The following PDK4 variants were observed in gnomAD, a reference collection of about 807,000 sequenced individuals.
PDK4 encodes the protein pyruvate dehydrogenase kinase, isozyme 4.
PDK4 carries 43 observed loss-of-function variants against 51.7 expected under a neutral mutation model. That is an observed-to-expected ratio of 0.83 (90% CI 0.65 to 1.07). The LOEUF (loss-of-function observed/expected upper bound fraction) is 1.07. PDK4 is among the 50% of genes least tolerant of loss of function. PDK4 has a pLI of 0.00. For synonymous variants in PDK4, 170 were observed against 176.6 expected (o/e 0.96, Z 0.30); for missense variants, 498 against 503.5 (o/e 0.99, Z 0.10).
rs1562839475 is a variant in PDK4 at position 95,595,020 on chromosome 7, T to TA, written c.272+2dup. 3.1e-6 allele frequency: 5 copies of TA among 1,605,848 alleles called. No homozygotes were observed. Among genetic ancestry groups the TA allele is most frequent in the Admixed American group, 1.7e-5 (1 of 59,534 alleles). On this transcript the variant is annotated splice_region_variant and intron_variant, in intron 2 of 10. Transcript: ENST00000005178. Reference sequence around the variant, plus strand: ...AGAGACTTCAATATGGTTCACCACTTACCAGCTTTTAACCAATTGCACTGA... The same window carrying TA: ...AGAGACTTCAATATGGTTCACCACTTAACCAGCTTTTAACCAATTGCACTGA...
rs1363508870 is a variant in PDK4, at chr7:95,593,786, T to C, written c.273-16A>G. ...CTGTATATACCTGTAAAGAAACAGG[T>C]ATGCTTTAAGTTTTAAAATTAATAG... On this transcript the variant is annotated splice_polypyrimidine_tract_variant and intron_variant, in intron 2 of 10. Transcript: ENST00000005178. 3 of 1,299,562 alleles carry C rather than the reference T, an allele frequency of 2.3e-6. No individual in the cohort carries two copies. In the South Asian group the frequency reaches 3.9e-5, roughly 17 times the overall value. The allele number at this position is 1,299,562 out of a possible 1,614,324, so 80.5% of individuals were successfully genotyped here.
At chr7:95,590,450 G>T (rs1418893135) in intron 6 of PDK4, among the ~76,000 whole-genome samples, 1 of 149,680 alleles carries the variant, frequency 6.7e-6, no homozygotes, top group African/African-American at 2.6e-5. Flanking sequence ...AATAAAATTA[G>T]AAAGAAAAGA....
intron 3 of PDK4, 38 bp downstream of exon 3, chr7:95,593,661 C>A (rs1033877234): frequency 1.0e-6 from 1 of 986,624 alleles, no homozygotes; most frequent in Non-Finnish European, 1.6e-6. Flanking sequence ...TGGAAAGAAC[C>A]AAAGTTTTAA....
chr7:95,585,479 C>T lies in PDK4; in HGVS notation c.*162G>A. The T allele has an allele frequency of 1.9e-6, 1 of 535,494 alleles. No homozygotes were observed. Among genetic ancestry groups the T allele is most frequent in the Non-Finnish European group, 3.2e-6 (1 of 316,352 alleles). 33.2% of individuals were successfully genotyped at this position (535,494 alleles called of 1,614,324 possible). A position where few individuals can be genotyped will look rare whatever the true frequency, so the allele number is the denominator to read the frequency against. ...AGTCTTGCACTAAGTTCTCCTGGGT[C>T]ACAGAAACAAGCTCCATTCCTCATT... is the stretch of plus-strand genomic sequence containing the variant. On this transcript the variant is annotated 3_prime_UTR_variant, in exon 11 of 11. Transcript: ENST00000005178.
Position 95,596,156 on chromosome 7 carries a change from CCT to C in PDK4, c.130+6_130+7del. The C allele has an allele frequency of 6.2e-7, 1 of 1,600,294 alleles. No homozygotes were observed. Among genetic ancestry groups the C allele is most frequent in the East Asian group, 2.3e-5 (1 of 42,824 alleles). On this transcript the variant is annotated splice_donor_region_variant and intron_variant, in intron 1 of 10. Coordinates refer to ENST00000005178, the MANE Select transcript of PDK4 (RefSeq NM_002612.4). Reference sequence around the variant, plus strand: ...AGGACCCAGCTTGGGCCCTGTGTCCCCTCTCACCAAAGTCCAGTAGCTGCTTC... The same window carrying C: ...AGGACCCAGCTTGGGCCCTGTGTCCCCTCACCAAAGTCCAGTAGCTGCTTC...
chr7:95,596,192 C>CG lies in PDK4; in HGVS notation c.101dup (p.Leu35AlafsTer16), dbSNP rs1448630174. 6.2e-7 allele frequency: 1 copy of CG among 1,603,032 alleles called. No individual in the cohort carries two copies. Among genetic ancestry groups the CG allele is most frequent in the Non-Finnish European group, 8.5e-7 (1 of 1,175,174 alleles). On this transcript the variant is annotated frameshift_variant, in exon 1 of 11. Transcript: ENST00000005178. LOFTEE classifies it high-confidence loss of function. ...AGTCCAGTAGCTGCTTCATGGACAG[C>CG]GGGGACGGGCTGTAGCGCGAGAAAT...
Position 95,596,229 on chromosome 7 carries a change from C to T in PDK4, c.65G>A (p.Arg22Gln), listed in dbSNP as rs1791619111. 2 of 1,603,790 alleles carry T rather than the reference C, an allele frequency of 1.2e-6. No individual in the cohort carries two copies. The highest frequency in any genetic ancestry group is 1.4e-5 in the African/African-American group (1 of 74,046). ...GSLNGAGLVP[R>Q]EVEHFSRYSP... ...GTAGCGCGAGAAATGCTCCACCTCTCGGGGCACCAGGCCGGCGCCGTTGAG... is the reference window on the plus strand; with the variant it reads ...GTAGCGCGAGAAATGCTCCACCTCTTGGGGCACCAGGCCGGCGCCGTTGAG... The change falls in exon 1 of 11, where the codon CGA becomes CAA. Residue 22 changes from arginine (R) to glutamine (Q), a missense_variant. Arg to Gln is a conservative substitution (Grantham distance 43). Transcript: ENST00000005178.
At position 95,595,100 on chromosome 7, in the gene PDK4, G is replaced by A. The variant is rs55793839; in HGVS notation, c.195C>T (p.Leu65=). 4.2e-5 allele frequency: 67 copies of A among 1,611,864 alleles called. No individual in the cohort carries two copies. The highest frequency in any genetic ancestry group is 3.5e-4 in the Admixed American group (21 of 59,980). The change falls in exon 2 of 11, where the codon CTC becomes CTT. Residue 65 remains leucine, a synonymous_variant. Coordinates refer to ENST00000005178, the MANE Select transcript of PDK4 (RefSeq NM_002612.4). ...TATCAATTTCCTTCAGAATGTTGGC[G>A]AGTCTCACAGGCAATTCTTGTCGCA... ...AFLRQELPVR[L]ANILKEIDIL...
At position 95,593,726 on chromosome 7, in the gene PDK4, C is replaced by CTT; in HGVS notation, c.315_316dup (p.Ser106LysfsTer13). The CTT allele has an allele frequency of 6.4e-7, 1 of 1,562,772 alleles. No homozygotes were observed. Among genetic ancestry groups the CTT allele is most frequent in the Non-Finnish European group, 8.8e-7 (1 of 1,133,544 alleles). ...TGATAATGCTTTCTGGTCATCTGGG[C>CTT]TTTTCTCATGGAATTCCACCAAATC... On this transcript the variant is annotated frameshift_variant, in exon 3 of 11. Coordinates refer to ENST00000005178, the MANE Select transcript of PDK4 (RefSeq NM_002612.4). LOFTEE classifies it high-confidence loss of function.
chr7:95,596,097 C>A (rs766612974), intron 1 of PDK4, 67 bp downstream of exon 1: 17 of 1,492,310 alleles, frequency 1.1e-5, no homozygotes, highest in African/African-American at 1.5e-5. Context: ...CCTCCCTCTA[C>A]CAAGGCTGAA....
At chr7:95,591,940 G>T in intron 6 of PDK4, 48 bp downstream of exon 6, 1 of 951,102 alleles carries the variant, frequency 1.1e-6, no homozygotes, top group South Asian at 1.5e-5. Context: ...AATATTAGGA[G>T]AACACAGAAT....
chr7:95,596,133 G>A (rs756847269), intron 1 of PDK4, 31 bp downstream of exon 1: 2 of 1,587,276 alleles, frequency 1.3e-6, no homozygotes, highest in East Asian at 4.8e-5. Context: ...CCAACCCTAG[G>A]ACCCAGCTTG....
chr7:95,587,610 T>G (rs1562836715), intron 8 of PDK4, 82 bp from the exon 9 acceptor site: 1 of 1,187,816 alleles, frequency 8.4e-7, no homozygotes. Context: ...TTCCTTCATT[T>G]AAAAATCACC....
At chr7:95,588,124 T>C (rs1311921069) in intron 7 of PDK4, among the ~76,000 whole-genome samples, 1 of 152,184 alleles carries the variant, frequency 6.6e-6, no homozygotes, top group African/African-American at 2.4e-5. Flanking sequence ...AAATTGGTTT[T>C]TATAGTCCAT....
Position 95,590,327 on chromosome 7 carries a change from C to T in PDK4, c.695-611G>A, listed in dbSNP as rs184140095. 1.2e-3 allele frequency among the ~76,000 whole-genome samples: 189 copies of T among 151,780 alleles called. 2 individuals are homozygous for T. Among genetic ancestry groups the T allele is most frequent in the African/African-American group, 4.3e-3 (177 of 41,366 alleles). ...ACCTGATTTTTCTTGTTTTTTGTAT[C>T]ACCCAAACATTAAATCTTATATGTT... On this transcript the variant is annotated intron_variant, in intron 6 of 10. Coordinates refer to ENST00000005178, the MANE Select transcript of PDK4 (RefSeq NM_002612.4).
chr7:95,590,627 A>C lies in PDK4; in HGVS notation c.695-911T>G, dbSNP rs1396369066. ...TGCTCAGAGATACGTTCCATTCTTT[A>C]TTTGCTCTTCTACTTTTGGTATTTA... On this transcript the variant is annotated intron_variant, in intron 6 of 10. Coordinates refer to ENST00000005178, the MANE Select transcript of PDK4 (RefSeq NM_002612.4). Among the ~76,000 whole-genome samples the C allele has an allele frequency of 2.0e-5, 3 of 151,966 alleles. No homozygotes were observed. The East Asian group carries it at 5.8e-4, about 29-fold the overall frequency.
chr7:95,592,738 T>C (rs1480010988), intron 4 of PDK4, 22 bp downstream of exon 4: 1 of 1,589,880 alleles, frequency 6.3e-7, no homozygotes, highest in East Asian at 2.2e-5. Flanking sequence ...CTATATACCA[T>C]GATCATGATG....
Position 95,585,554 on chromosome 7 carries a change from G to T in PDK4, c.*87C>A, listed in dbSNP as rs1791470479. Reference sequence around the variant, plus strand: ...TTTCGTTGCTGTCGTTTGTTTTGGAGGAAACAAGGGTTCACACACAAACAT... The same window carrying T: ...TTTCGTTGCTGTCGTTTGTTTTGGATGAAACAAGGGTTCACACACAAACAT... On this transcript the variant is annotated 3_prime_UTR_variant, in exon 11 of 11. Transcript: ENST00000005178. 6 of 1,176,698 alleles carry T rather than the reference G, an allele frequency of 5.1e-6. No homozygotes were observed. In the Admixed American group the frequency reaches 9.0e-5, roughly 18 times the overall value. 72.9% of individuals were successfully genotyped at this position (1,176,698 alleles called of 1,614,324 possible).
In PDK4 at chr7:95,584,521, C is replaced by T. The variant is rs142724242; in HGVS notation, c.*1120G>A. The T allele has an allele frequency of 1.6e-4, 24 of 152,264 alleles. No homozygotes were observed. The East Asian group carries it at 1.9e-3, about 12-fold the overall frequency. 9.4% of individuals were successfully genotyped at this position (152,264 alleles called of 1,614,324 possible). A position where few individuals can be genotyped will look rare whatever the true frequency, so the allele number is the denominator to read the frequency against. ...AGCATGCTGGCATGAGAATCTCTTA[C>T]GTCCAGGCTATTTGCTTAAAATAAT... On this transcript the variant is annotated 3_prime_UTR_variant, in exon 11 of 11. Transcript: ENST00000005178.
Sources: gnomAD v4.1 joint callset for allele counts (sites outside exome capture counted in the v4.1 genomes callset) on GRCh38, gnomAD v4.1.1 for gene constraint, MANE v1.5 for transcripts, NCBI Gene and HGNC (gene_info 2026-07-23, HGNC 2026-07-21) for gene names.